SUPT3H: variants seen among roughly 807,000 people sequenced by gnomAD.
The protein encoded by SUPT3H is transcription initiation protein SPT3 homolog.
Under a neutral mutation model 44.3 loss-of-function variants are expected in SUPT3H, and 44 were observed. The ratio of observed to expected loss-of-function variants is 0.99; its 90% CI spans 0.78 to 1.28. SUPT3H has a LOEUF of 1.28. SUPT3H is among the 50% of genes most tolerant of loss of function. The pLI is 0.00. For synonymous variants in SUPT3H, 124 were observed against 125.6 expected (o/e 0.99, Z 0.09); for missense variants, 380 against 387.1 (o/e 0.98, Z 0.15).
chr6:44,948,784 C>T (rs1327748209), intron 9 of SUPT3H, among the ~76,000 whole-genome samples: 2 of 152,074 alleles, frequency 1.3e-5, no homozygotes, highest in East Asian at 1.9e-4. Flanking sequence ...CACTTTTACA[C>T]TGCTGGTGGG....
chr6:45,214,355 T>C (rs1367527809), intron 2 of SUPT3H, among the ~76,000 whole-genome samples: 1 of 151,456 alleles, frequency 6.6e-6, no homozygotes, highest in Non-Finnish European at 1.5e-5. Flanking sequence ...CTAATGATAG[T>C]AAAAGCTGGG....
At chr6:45,051,396 C>T (rs1318052082) in intron 3 of SUPT3H, among the ~76,000 whole-genome samples, 1 of 151,816 alleles carries the variant, frequency 6.6e-6, no homozygotes, top group South Asian at 2.1e-4. Flanking sequence ...TAGGAAATAA[C>T]TTGTTAGAAA....
chr6:45,200,778 GA>G lies in SUPT3H; in HGVS notation c.102-94773del, dbSNP rs910810685. On this transcript the variant is annotated intron_variant, in intron 2 of 10. Transcript: ENST00000371459. ...AAGATTTTTTTTTAATTTGAAAGAA[GA>G]AAACTGTGGTATTCACTGACATAAT... Among the ~76,000 whole-genome samples the G allele has an allele frequency of 6.3e-4, 95 of 151,252 alleles. 2 individuals are homozygous for G. Among genetic ancestry groups the G allele is most frequent in the Middle Eastern group, 3.2e-3 (1 of 316 alleles).
intron 1 of SUPT3H, among the ~76,000 whole-genome samples, chr6:45,368,836 C>T (rs959725592): frequency 7.9e-5 from 12 of 151,938 alleles, no homozygotes; most frequent in Non-Finnish European, 1.2e-4. Flanking sequence ...ATAATTAGAA[C>T]ATTTTTATTT....
intron 2 of SUPT3H, among the ~76,000 whole-genome samples, chr6:45,177,365 G>A (rs1416535601): frequency 1.3e-5 from 2 of 152,060 alleles, no homozygotes; most frequent in African/African-American, 2.4e-5. Flanking sequence ...GGGAAGTTTA[G>A]AGAAAAAAGA....
chr6:45,099,259 AC>A, intron 3 of SUPT3H: 1 of 176,024 alleles, frequency 5.7e-6, no homozygotes. Context: ...AACATAGGAA[AC>A]CCTAGCACAC....
In SUPT3H at chr6:45,124,476, CT is replaced by C. The variant is rs578219863; in HGVS notation, c.102-18471del. ...CTGGCCAATATGGTGAAACCCCCCC[CT>C]CTACTAAAAATACAAAAATTAGCTG... On this transcript the variant is annotated intron_variant, in intron 2 of 10. Coordinates refer to ENST00000371459, the MANE Select transcript of SUPT3H (RefSeq NM_003599.4). 4.0e-3 allele frequency among the ~76,000 whole-genome samples: 609 copies of C among 151,722 alleles called. 7 individuals are homozygous for C. The highest frequency in any genetic ancestry group is 0.014 in the African/African-American group (565 of 41,370).
intron 2 of SUPT3H, among the ~76,000 whole-genome samples, chr6:45,358,042 C>T (rs535564275): frequency 6.6e-6 from 1 of 151,760 alleles, no homozygotes; most frequent in South Asian, 2.1e-4. Flanking sequence ...CAAAAATTAA[C>T]ATCTTCAAAG....
intron 2 of SUPT3H, among the ~76,000 whole-genome samples, chr6:45,120,180 C>T (rs1192654863): frequency 6.6e-6 from 1 of 151,634 alleles, no homozygotes; most frequent in African/African-American, 2.4e-5. Context: ...AAAAAACAAA[C>T]AAACAAAAAC....
intron 10 of SUPT3H, among the ~76,000 whole-genome samples, chr6:44,871,112 G>A (rs1490400440): frequency 1.3e-5 from 2 of 150,840 alleles, no homozygotes; most frequent in African/African-American, 4.9e-5. Context: ...GGTAAAAAAA[G>A]CAGCCGGGAA....
intron 6 of SUPT3H, among the ~76,000 whole-genome samples, chr6:44,999,357 A>T (rs1028941068): frequency 3.9e-5 from 6 of 152,006 alleles, no homozygotes; most frequent in African/African-American, 1.4e-4. Flanking sequence ...CAGTCTCCTG[A>T]ATAGCTGGGA....
chr6:45,105,865 C>T (rs890507787), intron 3 of SUPT3H, 57 bp downstream of exon 3: 11 of 1,341,428 alleles, frequency 8.2e-6, no homozygotes, highest in Non-Finnish European at 1.2e-5. Context: ...GTTGGGTTAC[C>T]ATCCTAATAA....
intron 3 of SUPT3H, among the ~76,000 whole-genome samples, chr6:45,070,149 G>A (rs1196595315): frequency 6.6e-6 from 1 of 152,034 alleles, no homozygotes; most frequent in Non-Finnish European, 1.5e-5. Flanking sequence ...TGAATCCAAT[G>A]ATATATCATT....
intron 2 of SUPT3H, among the ~76,000 whole-genome samples, chr6:45,199,815 T>C (rs1382204719): frequency 6.6e-6 from 1 of 151,496 alleles, no homozygotes; most frequent in African/African-American, 2.4e-5. Context: ...TTTCCTTTTT[T>C]GCAATCAATA....
chr6:45,333,778 T>C (rs1787992828), intron 2 of SUPT3H, among the ~76,000 whole-genome samples: 1 of 151,290 alleles, frequency 6.6e-6, no homozygotes, highest in Non-Finnish European at 1.5e-5. Context: ...AAATTGTTAT[T>C]CATGCACTTC....
intron 2 of SUPT3H, among the ~76,000 whole-genome samples, chr6:45,312,050 T>G (rs1337826685): frequency 6.6e-6 from 1 of 152,092 alleles, no homozygotes; most frequent in Non-Finnish European, 1.5e-5. Flanking sequence ...AGGTAAGAAC[T>G]CACCAACCAA....
In SUPT3H at chr6:44,876,867, GTGTA is replaced by G. The variant is rs756290803; in HGVS notation, c.913-47014_913-47011del. On this transcript the variant is annotated intron_variant, in intron 10 of 10. Transcript: ENST00000371459. ...AAAAAAAAAGAAAAAGAAAAAAAAA[GTGTA>G]TGACATTGTATGAAAATTTTATCTT... 7.9e-3 allele frequency among the ~76,000 whole-genome samples: 1,060 copies of G among 133,464 alleles called. 8 individuals carry two copies. Among genetic ancestry groups the G allele is most frequent in the Non-Finnish European group, 0.014 (878 of 60,826 alleles). The allele number at this position is 133,464 out of a possible 152,430, so 87.6% of individuals were successfully genotyped here. A position where few individuals can be genotyped will look rare whatever the true frequency, so the allele number is the denominator to read the frequency against.
intron 2 of SUPT3H, among the ~76,000 whole-genome samples, chr6:45,353,712 C>T (rs934880618): frequency 6.6e-6 from 1 of 151,532 alleles, no homozygotes; most frequent in African/African-American, 2.4e-5. Flanking sequence ...AAGGGTAGGA[C>T]ATTCTGTCAA....
intron 3 of SUPT3H, among the ~76,000 whole-genome samples, chr6:45,042,362 G>A (rs975866237): frequency 7.9e-5 from 12 of 152,150 alleles, no homozygotes; most frequent in Non-Finnish European, 1.2e-4. Context: ...GGCAGAGGTC[G>A]CAGTGAGCCG....
Sources: allele counts gnomAD v4.1 joint callset (sites outside exome capture counted in the v4.1 genomes callset), GRCh38; gene constraint gnomAD v4.1.1; transcripts MANE v1.5; gene names NCBI Gene and HGNC (gene_info 2026-07-23, HGNC 2026-07-21).